LRCH1: variants seen among roughly 807,000 people sequenced by gnomAD.
LRCH1 encodes the protein leucine-rich repeat and calponin homology domain-containing protein 1.
A neutral mutation model predicts 94.9 loss-of-function variants in LRCH1; 23 were observed. That is an observed-to-expected ratio of 0.24 (90% CI 0.17 to 0.34). LRCH1 has a LOEUF of 0.34. Ranked by LOEUF, LRCH1 falls within the 10% of genes least tolerant of loss-of-function variation. The pLI is 1.00. For synonymous variants in LRCH1, 364 were observed against 354.9 expected (o/e 1.03, Z -0.29); for missense variants, 790 against 945.9 (o/e 0.84, Z 2.16).
At chr13:46,712,378 G>A in intron 14 of LRCH1, 147 bp from the exon 15 acceptor site, 2 of 635,840 alleles carry the variant, frequency 3.1e-6, no homozygotes, top group South Asian at 3.8e-5. Context: ...TTTACAAAGT[G>A]ATTTTTTTTG....
At chr13:46,660,034 CTTT>C (rs767544799) in intron 2 of LRCH1, among the ~76,000 whole-genome samples, 2 of 103,654 alleles carry the variant, frequency 1.9e-5, no homozygotes, top group Non-Finnish European at 3.7e-5. Context: ...TTAGGAGTCA[CTTT>C]TTTTTTTTTT....
intron 13 of LRCH1, among the ~76,000 whole-genome samples, chr13:46,707,035 A>C (rs1405898962): frequency 6.6e-6 from 1 of 152,222 alleles, no homozygotes; most frequent in Non-Finnish European, 1.5e-5. Flanking sequence ...TCATAAATTC[A>C]TGGTGATAAC....
At chr13:46,668,356 C>A (rs1200841319) in intron 2 of LRCH1, among the ~76,000 whole-genome samples, 3 of 152,118 alleles carry the variant, frequency 2.0e-5, no homozygotes, top group African/African-American at 7.2e-5. Context: ...TGGAACTAAA[C>A]CCCTCTGGGC....
chr13:46,626,646 T>C (rs868440595), intron 1 of LRCH1, among the ~76,000 whole-genome samples: 15 of 152,222 alleles, frequency 9.9e-5, no homozygotes, highest in African/African-American at 3.6e-4. Context: ...CCAGGTGAAA[T>C]AAACAGCCAT....
chr13:46,705,827 G>T (rs1433053508), intron 13 of LRCH1, among the ~76,000 whole-genome samples: 1 of 152,214 alleles, frequency 6.6e-6, no homozygotes, highest in East Asian at 1.9e-4. Context: ...TACATGGAGT[G>T]AAATTTGGAT....
intron 17 of LRCH1, among the ~76,000 whole-genome samples, chr13:46,727,723 C>G (rs570603547): frequency 1.3e-5 from 2 of 152,096 alleles, no homozygotes; most frequent in African/African-American, 4.8e-5. Flanking sequence ...TGTCAATATC[C>G]TGGTTGTTTT....
intron 5 of LRCH1, 138 bp downstream of exon 5, chr13:46,686,179 G>A (rs1051790234): frequency 1.2e-6 from 1 of 867,128 alleles, no homozygotes; most frequent in South Asian, 3.6e-5. Context: ...TGGAGAAAAG[G>A]CATCAAAATT....
intron 7 of LRCH1, among the ~76,000 whole-genome samples, chr13:46,691,701 G>T (rs1286059714): frequency 2.6e-5 from 4 of 151,788 alleles, no homozygotes; most frequent in African/African-American, 7.3e-5. Context: ...ACTTTTTTTT[G>T]TTTTTTTAAG....
exon 19 of LRCH1, chr13:46,752,250 T>C (rs1332219029): frequency 3.9e-5 from 6 of 152,260 alleles, no homozygotes; most frequent in Non-Finnish European, 8.8e-5. Context: ...TTGTGAATGC[T>C]GACTGCACTT....
chr13:46,652,760 T>A (rs1283192183), intron 2 of LRCH1, among the ~76,000 whole-genome samples: 1 of 152,210 alleles, frequency 6.6e-6, no homozygotes, highest in African/African-American at 2.4e-5. Context: ...CTGCTGGTAG[T>A]CCTGGATGCA....
At chr13:46,712,453 T>C (rs555627575) in intron 14 of LRCH1, 72 bp from the exon 15 acceptor site, 4 of 1,197,370 alleles carry the variant, frequency 3.3e-6, no homozygotes, top group Admixed American at 1.9e-5. Flanking sequence ...TCCTTGAACA[T>C]AGAAAACCAT....
intron 1 of LRCH1, among the ~76,000 whole-genome samples, chr13:46,625,918 G>T (rs549404907): frequency 1.2e-3 from 188 of 152,248 alleles, no homozygotes; most frequent in African/African-American, 4.0e-3. Flanking sequence ...CTCCCAAATT[G>T]CTGGGATTAC....
At chr13:46,559,885 T>G (rs1040127894) in intron 1 of LRCH1, among the ~76,000 whole-genome samples, 4 of 152,146 alleles carry the variant, frequency 2.6e-5, no homozygotes, top group South Asian at 2.1e-4. Flanking sequence ...AGACTTTTTT[T>G]TGTGTGCGTG....
intron 13 of LRCH1, among the ~76,000 whole-genome samples, chr13:46,706,859 CTT>C (rs770924367): frequency 1.2e-4 from 18 of 152,140 alleles, no homozygotes; most frequent in Non-Finnish European, 2.5e-4. Flanking sequence ...TATTTGTTCT[CTT>C]TCTCTCTCTC....
intron 1 of LRCH1, among the ~76,000 whole-genome samples, chr13:46,594,258 A>AT (rs2050534212): frequency 6.6e-6 from 1 of 151,512 alleles, no homozygotes; most frequent in Non-Finnish European, 1.5e-5. Flanking sequence ...AAAAAAAAAA[A>AT]GTACATATTT....
At chr13:46,633,789 A>G (rs1009119516) in intron 1 of LRCH1, among the ~76,000 whole-genome samples, 22 of 152,052 alleles carry the variant, frequency 1.4e-4, no homozygotes, top group Non-Finnish European at 2.8e-4. Flanking sequence ...TGGTTGCTCC[A>G]TAGATACCCT....
chr13:46,710,465 G>A (rs922987665), intron 13 of LRCH1, among the ~76,000 whole-genome samples: 1 of 152,196 alleles, frequency 6.6e-6, no homozygotes, highest in Non-Finnish European at 1.5e-5. Flanking sequence ...CATCAAGTGT[G>A]GATGGCACTG....
intron 1 of LRCH1, 126 bp downstream of exon 1, chr13:46,553,829 G>T (rs2050031235): frequency 6.6e-7 from 1 of 1,513,676 alleles, no homozygotes; most frequent in African/African-American, 1.4e-5. Context: ...TCGGCCCGTT[G>T]TCTCCCGAAG....
chr13:46,581,768 A>T (rs1350000264), intron 1 of LRCH1, among the ~76,000 whole-genome samples: 3 of 152,236 alleles, frequency 2.0e-5, no homozygotes, highest in Non-Finnish European at 4.4e-5. Flanking sequence ...GGCCTTCAGA[A>T]TATTCCACCT....
Sources: allele counts gnomAD v4.1 joint callset (sites outside exome capture counted in the v4.1 genomes callset), GRCh38; gene constraint gnomAD v4.1.1; transcripts MANE v1.5; gene names NCBI Gene and HGNC (gene_info 2026-07-23, HGNC 2026-07-21).